The following PGPEP1L variants were observed in gnomAD, a reference collection of about 807,000 sequenced individuals.
The protein encoded by PGPEP1L is pyroglutamyl-peptidase 1-like protein.
PGPEP1L carries 7 observed loss-of-function variants against 6.0 expected under a neutral mutation model. The observed-to-expected ratio is 1.17, with a 90% CI of 0.66 to 2.19. PGPEP1L has a LOEUF of 2.19. Ranked by LOEUF, PGPEP1L falls within the 30% of genes most tolerant of loss-of-function variation. The pLI is 0.00. For missense variants in PGPEP1L, 209 were observed against 192.5 expected (o/e 1.09, Z -0.51); for synonymous variants, 103 against 83.9 (o/e 1.23, Z -1.24).
chr15:98,972,906 C>T (rs1395504467), intron 2 of PGPEP1L, among the ~76,000 whole-genome samples: 3 of 127,434 alleles, frequency 2.4e-5, no homozygotes, highest in Non-Finnish European at 4.9e-5. Flanking sequence ...AAAAAAAGTG[C>T]AGTGTAGCTG....
chr15:99,001,924 G>A (rs1163439907), intron 2 of PGPEP1L, among the ~76,000 whole-genome samples: 1 of 152,036 alleles, frequency 6.6e-6, no homozygotes, highest in Non-Finnish European at 1.5e-5. Flanking sequence ...CACTATGTTG[G>A]CCAGGCTGGT....
intron 2 of PGPEP1L, among the ~76,000 whole-genome samples, chr15:98,978,726 A>ATATATATATTTT (rs1446348988): frequency 1.1e-4 from 9 of 85,234 alleles, no homozygotes; most frequent in African/African-American, 3.1e-4. Flanking sequence ...ATATATATAT[A>ATATATATATTTT]TTTTTTTTTT....
intron 1 of PGPEP1L, among the ~76,000 whole-genome samples, chr15:99,007,046 A>AC (rs1447255344): frequency 6.6e-6 from 1 of 151,946 alleles, no homozygotes; most frequent in African/African-American, 2.4e-5. Context: ...AATTGGGATC[A>AC]CCCCCGCGGA....
chr15:98,971,940 T>G (rs979961943), intron 2 of PGPEP1L, among the ~76,000 whole-genome samples: 1 of 152,266 alleles, frequency 6.6e-6, no homozygotes, highest in African/African-American at 2.4e-5. Flanking sequence ...TTTTTGATAC[T>G]TTTCTTTGCA....
chr15:98,981,824 TAAAA>T (rs548937619), intron 2 of PGPEP1L, among the ~76,000 whole-genome samples: 1 of 152,152 alleles, frequency 6.6e-6, no homozygotes, highest in Non-Finnish European at 1.5e-5. Context: ...TATTTTTAAA[TAAAA>T]AGTTTGTCTA....
chr15:98,981,967 G>A (rs1407990561), intron 2 of PGPEP1L, among the ~76,000 whole-genome samples: 2 of 152,148 alleles, frequency 1.3e-5, no homozygotes, highest in Non-Finnish European at 2.9e-5. Flanking sequence ...GGAAAAATGT[G>A]GGGGTCATTC....
chr15:98,977,087 G>A (rs966240360), intron 2 of PGPEP1L, among the ~76,000 whole-genome samples: 8 of 150,514 alleles, frequency 5.3e-5, no homozygotes, highest in South Asian at 2.1e-4. Context: ...GCCAGGCCAT[G>A]GTAAATATAT....
chr15:98,977,474 T>C (rs990437848), intron 2 of PGPEP1L, among the ~76,000 whole-genome samples: 31 of 152,262 alleles, frequency 2.0e-4, no homozygotes, highest in Non-Finnish European at 1.3e-4. Context: ...TTGTTTGGTT[T>C]CCAAAATTTA....
rs540052237 is a variant in PGPEP1L, at chr15:98,969,538, G to A, written c.96C>T (p.Gly32=). ...CGTCTGGGCTGCCAGGTAGGCACACGCCGCCCTCGGGCCAGAAGCTGCGGA... is the reference window on the plus strand; with the variant it reads ...CGTCTGGGCTGCCAGGTAGGCACACACCGCCCTCGGGCCAGAAGCTGCGGA... The part of the protein sequence containing the change: ...ADIRSFWPEG[G]VCLPGSPDVL... The change falls in exon 4 of 5, where the codon GGC becomes GGT. Residue 32 remains glycine, a synonymous_variant. Coordinates refer to ENST00000535714, the MANE Select transcript of PGPEP1L (RefSeq NM_001167902.2). The A allele has an allele frequency of 6.9e-5, 112 of 1,613,976 alleles. No individual in the cohort carries two copies. In the South Asian group the frequency reaches 1.1e-3, roughly 16 times the overall value.
chr15:99,006,702 C>T (rs2018070695), intron 1 of PGPEP1L, among the ~76,000 whole-genome samples: 1 of 152,204 alleles, frequency 6.6e-6, no homozygotes, highest in South Asian at 2.1e-4. Flanking sequence ...ATAGTCCTGG[C>T]TTCTCAGGGA....
intron 2 of PGPEP1L, among the ~76,000 whole-genome samples, chr15:98,982,058 A>G (rs1213947066): frequency 6.6e-6 from 1 of 152,228 alleles, no homozygotes; most frequent in African/African-American, 2.4e-5. Context: ...CTAGAACTAA[A>G]CATATGACTC....
intron 2 of PGPEP1L, among the ~76,000 whole-genome samples, chr15:98,989,783 TCAG>T (rs2017794963): frequency 6.6e-6 from 1 of 152,194 alleles, no homozygotes; most frequent in African/African-American, 2.4e-5. Context: ...AGCGAATCTC[TCAG>T]CAGAACCCCT....
At chr15:98,975,700 G>A (rs1015294648) in intron 2 of PGPEP1L, among the ~76,000 whole-genome samples, 3 of 152,134 alleles carry the variant, frequency 2.0e-5, no homozygotes, top group Non-Finnish European at 4.4e-5. Context: ...GGCCAACGTG[G>A]TGAAACTCCG....
chr15:98,993,035 CAT>C (rs1555472216), intron 2 of PGPEP1L, among the ~76,000 whole-genome samples: 1 of 152,194 alleles, frequency 6.6e-6, no homozygotes. Flanking sequence ...CCATTCAGGA[CAT>C]AGGCATGAGC....
At chr15:98,988,126 C>T (rs890549999) in intron 2 of PGPEP1L, among the ~76,000 whole-genome samples, 3 of 152,144 alleles carry the variant, frequency 2.0e-5, no homozygotes, top group Non-Finnish European at 4.4e-5. Flanking sequence ...GCACCTGCAA[C>T]ACCAGCGAGA....
chr15:98,986,283 A>G (rs181812129), intron 2 of PGPEP1L, among the ~76,000 whole-genome samples: 3 of 152,402 alleles, frequency 2.0e-5, no homozygotes, highest in East Asian at 3.9e-4. Context: ...CCAGAAAAAA[A>G]CAATCAAGTG....
At chr15:98,970,967 C>A in intron 3 of PGPEP1L, 69 bp downstream of exon 3, 2 of 1,592,818 alleles carry the variant, frequency 1.3e-6, no homozygotes, top group Non-Finnish European at 1.7e-6. Flanking sequence ...AGAACCAGGA[C>A]CCGGGGGTTC....
At chr15:98,974,653 T>G (rs954127974) in intron 2 of PGPEP1L, among the ~76,000 whole-genome samples, 2 of 152,168 alleles carry the variant, frequency 1.3e-5, no homozygotes, top group African/African-American at 4.8e-5. Flanking sequence ...TCCCAGCACT[T>G]TGGGAGGCCA....
chr15:99,000,664 T>C (rs1160608476), intron 2 of PGPEP1L, among the ~76,000 whole-genome samples: 2 of 152,136 alleles, frequency 1.3e-5, no homozygotes, highest in Non-Finnish European at 2.9e-5. Flanking sequence ...GTATCCACAC[T>C]CTGTATCTAA....
Sources: allele counts gnomAD v4.1 joint callset (sites outside exome capture counted in the v4.1 genomes callset), GRCh38; gene constraint gnomAD v4.1.1; transcripts MANE v1.5; gene names NCBI Gene and HGNC (gene_info 2026-07-23, HGNC 2026-07-21).